The following CDH18 variants were observed in gnomAD, a reference collection of about 807,000 sequenced individuals.
The protein encoded by CDH18 is cadherin 18, also known as cadherin-18.
In CDH18, 31 loss-of-function variants were observed where a neutral mutation model predicts 67.9. The observed-to-expected ratio is 0.46, with a 90% CI of 0.34 to 0.62. The LOEUF (loss-of-function observed/expected upper bound fraction) is 0.62, where lower values mean the gene tolerates loss of function less well. Ranked by LOEUF, CDH18 falls within the 20% of genes least tolerant of loss-of-function variation. The pLI, the probability that CDH18 is intolerant of heterozygous loss-of-function variation, is 0.01. For missense variants in CDH18, 890 were observed against 975.5 expected, an observed-to-expected ratio of 0.91 and a Z score of 1.17; for synonymous variants, 362 against 347.2, an observed-to-expected ratio of 1.04 and a Z score of -0.48.
chr5:19,525,358 A>G (rs1385248488), intron 9 of CDH18, among the ~76,000 whole-genome samples: 30 of 151,140 alleles, frequency 2.0e-4, no homozygotes. Flanking sequence ...ATGTACAATC[A>G]CTATTCTGTA....
chr5:19,783,304 C>T (rs1260640908), intron 3 of CDH18, among the ~76,000 whole-genome samples: 1 of 152,094 alleles, frequency 6.6e-6, no homozygotes, highest in Non-Finnish European at 1.5e-5. Context: ...GATAAGAAGT[C>T]TCTTAACCTC....
chr5:19,664,326 A>G (rs1265171502), intron 5 of CDH18, among the ~76,000 whole-genome samples: 1 of 151,962 alleles, frequency 6.6e-6, no homozygotes, highest in East Asian at 1.9e-4. Flanking sequence ...AGCAAAATTT[A>G]GAAGCACTCT....
intron 2 of CDH18, among the ~76,000 whole-genome samples, chr5:20,141,281 G>C (rs749473507): frequency 4.6e-5 from 7 of 152,112 alleles, no homozygotes; most frequent in Non-Finnish European, 1.0e-4. Flanking sequence ...AAATTGACTT[G>C]ATGATGCTGC....
intron 3 of CDH18, among the ~76,000 whole-genome samples, chr5:19,837,004 C>G (rs1367529590): frequency 6.6e-6 from 1 of 152,096 alleles, no homozygotes; most frequent in Non-Finnish European, 1.5e-5. Context: ...GACTTGGAAC[C>G]ATCCCAAATG....
intron 1 of CDH18, among the ~76,000 whole-genome samples, chr5:20,319,557 T>G (rs765260739): frequency 1.3e-5 from 2 of 152,180 alleles, no homozygotes; most frequent in South Asian, 4.1e-4. Flanking sequence ...GTTAACACAT[T>G]ATTTGTTTCA....
At chr5:20,503,440 C>A (rs1754460453) in intron 1 of CDH18, among the ~76,000 whole-genome samples, 1 of 151,868 alleles carries the variant, frequency 6.6e-6, no homozygotes, top group South Asian at 2.1e-4. Flanking sequence ...AGAATTAATC[C>A]CTATGAGTTA....
At chr5:20,547,372 C>T (rs1757397980) in intron 1 of CDH18, among the ~76,000 whole-genome samples, 1 of 151,782 alleles carries the variant, frequency 6.6e-6, no homozygotes, top group Non-Finnish European at 1.5e-5. Flanking sequence ...ACCAGCCTGG[C>T]CAATATTGTG....
chr5:20,122,798 T>C (rs980851038), intron 2 of CDH18, among the ~76,000 whole-genome samples: 3 of 148,052 alleles, frequency 2.0e-5, no homozygotes, highest in African/African-American at 7.4e-5. Context: ...TCTAATTCGA[T>C]ATGAATACAA....
At chr5:19,766,330 T>A (rs1773093097) in intron 3 of CDH18, among the ~76,000 whole-genome samples, 1 of 152,182 alleles carries the variant, frequency 6.6e-6, no homozygotes, top group South Asian at 2.1e-4. Context: ...AATATCGATT[T>A]TTCTTTCATC....
chr5:20,347,056 A>G (rs1427933845), intron 1 of CDH18, among the ~76,000 whole-genome samples: 2 of 152,112 alleles, frequency 1.3e-5, no homozygotes, highest in Non-Finnish European at 2.9e-5. Flanking sequence ...GTAGAGCTAA[A>G]TTGTTAAGGG....
At chr5:19,983,872 T>C (rs965090448) in intron 1 of CDH18, among the ~76,000 whole-genome samples, 1 of 152,192 alleles carries the variant, frequency 6.6e-6, no homozygotes, top group African/African-American at 2.4e-5. Context: ...TAAGGGATTA[T>C]TTAAATAAAT....
At chr5:19,776,240 T>A (rs545947467) in intron 3 of CDH18, among the ~76,000 whole-genome samples, 1 of 152,146 alleles carries the variant, frequency 6.6e-6, no homozygotes, top group Non-Finnish European at 1.5e-5. Flanking sequence ...ATTGTTAGGA[T>A]CTAAGGAGGA....
intron 2 of CDH18, among the ~76,000 whole-genome samples, chr5:20,128,629 G>A (rs1000681840): frequency 6.6e-6 from 1 of 152,004 alleles, no homozygotes; most frequent in African/African-American, 2.4e-5. Context: ...TTACCTTCCA[G>A]GAACAGTTGA....
intron 1 of CDH18, among the ~76,000 whole-genome samples, chr5:20,449,500 A>G (rs1232305851): frequency 2.0e-5 from 3 of 152,100 alleles, no homozygotes; most frequent in Non-Finnish European, 4.4e-5. Context: ...CAATTTAATA[A>G]CATCTCCCAC....
chr5:19,663,735 T>TA (rs1308635756), intron 5 of CDH18, among the ~76,000 whole-genome samples: 2 of 151,978 alleles, frequency 1.3e-5, no homozygotes, highest in Non-Finnish European at 2.9e-5. Context: ...CTTATTTGAC[T>TA]AGTGTACATA....
intron 2 of CDH18, among the ~76,000 whole-genome samples, chr5:20,174,381 C>T (rs1408107556): frequency 2.6e-5 from 4 of 152,224 alleles, no homozygotes; most frequent in African/African-American, 2.4e-5. Context: ...CAGCGTAATA[C>T]GTGTTATTGA....
At chr5:20,296,831 A>C (rs7717842) in intron 1 of CDH18, among the ~76,000 whole-genome samples, 73,590 of 151,590 alleles carry the variant, frequency 0.49, 18,292 homozygotes, top group African/African-American at 0.6. Context: ...TATTACTATG[A>C]TATTTCGATA....
chr5:20,189,193 G>A lies in CDH18; in HGVS notation c.-518+66251C>T, dbSNP rs545541333. On this transcript the variant is annotated intron_variant, in intron 2 of 14. Coordinates refer to the CDH18 transcript ENST00000507958. ...TTATTTGACTTCTCACTTTTTTTTT[G>A]ATCATTGGAGCTTAATGATAACCCT... 2.6e-5 allele frequency among the ~76,000 whole-genome samples: 4 copies of A among 150,944 alleles called. No individual in the cohort carries two copies. In the East Asian group the frequency reaches 7.8e-4, roughly 29 times the overall value.
intron 1 of CDH18, among the ~76,000 whole-genome samples, chr5:20,454,720 A>G (rs1240471547): frequency 6.6e-6 from 1 of 152,118 alleles, no homozygotes; most frequent in Non-Finnish European, 1.5e-5. Context: ...CAAAAGCAAT[A>G]GCCAGAAGTT....
Sources: allele counts gnomAD v4.1 joint callset (sites outside exome capture counted in the v4.1 genomes callset), GRCh38; gene constraint gnomAD v4.1.1; transcripts MANE v1.5; gene names NCBI Gene and HGNC (gene_info 2026-07-23, HGNC 2026-07-21).